Variants in TARS3 observed in about 807,000 individuals in gnomAD.
TARS3 encodes the protein threonyl-tRNA synthetase 3.
Under a neutral mutation model 103.5 loss-of-function variants are expected in TARS3, and 94 were observed. That is an observed-to-expected ratio of 0.91 (90% CI 0.77 to 1.08). The LOEUF is 1.08. Ranked by LOEUF, TARS3 falls within the 50% of genes least tolerant of loss-of-function variation. TARS3 has a pLI of 0.00. For synonymous variants in TARS3, 416 were observed against 355.4 expected (o/e 1.17, Z -1.92); for missense variants, 952 against 995.2 (o/e 0.96, Z 0.58).
chr15:101,706,106 A>G (rs1899545992), intron 6 of TARS3, among the ~76,000 whole-genome samples: 1 of 152,174 alleles, frequency 6.6e-6, no homozygotes, highest in Non-Finnish European at 1.5e-5. Flanking sequence ...AATTACAGGC[A>G]TGTACCACCA....
intron 6 of TARS3, 63 bp from the exon 7 acceptor site, chr15:101,705,810 A>AGAGTT: frequency 3.0e-6 from 4 of 1,332,456 alleles, no homozygotes; most frequent in Non-Finnish European, 4.2e-6. Flanking sequence ...AAACAACTCT[A>AGAGTT]CTTTTCTTCA....
At chr15:101,663,619 G>T (rs1437107601) in intron 15 of TARS3, among the ~76,000 whole-genome samples, 1 of 152,106 alleles carries the variant, frequency 6.6e-6, no homozygotes, top group Admixed American at 6.5e-5. Context: ...TTTTTCCATT[G>T]CATTTCCTAG....
At chr15:101,691,225 C>T (rs112956983) in intron 10 of TARS3, among the ~76,000 whole-genome samples, 4 of 151,910 alleles carry the variant, frequency 2.6e-5, no homozygotes, top group African/African-American at 7.2e-5. Context: ...AGGCATGAGC[C>T]ACTGCGCCCG....
chr15:101,669,226 A>C (rs748569086), intron 15 of TARS3, among the ~76,000 whole-genome samples: 5 of 152,250 alleles, frequency 3.3e-5, no homozygotes, highest in Non-Finnish European at 7.3e-5. Flanking sequence ...AAAAACTTAA[A>C]AAGTAAAAAT....
chr15:101,685,899 T>A lies in TARS3; in HGVS notation c.1484A>T (p.His495Leu). The A allele has an allele frequency of 1.9e-6, 3 of 1,612,836 alleles. No homozygotes were observed. In the South Asian group the frequency reaches 3.3e-5, roughly 18 times the overall value. ...CTGCTTCGCTTTTAATACTCACCAG[T>A]GCCCTGGACAATTCATGGGTTTGAG... ...FALKPMNCPG[H>L]CLMFAHRPRS... Residue 495 changes from histidine to leucine, a missense_variant, in exon 11 of 19, where the codon CAC (histidine) becomes CTC (leucine). This residue lies in a region of TARS3 where 540 missense variants were observed against 631.0 expected (regional missense o/e 0.86). Coordinates refer to ENST00000335968, the MANE Select transcript of TARS3 (RefSeq NM_152334.3).
At chr15:101,697,434 A>G (rs1261612422) in intron 10 of TARS3, among the ~76,000 whole-genome samples, 1 of 152,220 alleles carries the variant, frequency 6.6e-6, no homozygotes, top group East Asian at 1.9e-4. Flanking sequence ...GGAGACGTCC[A>G]GGCAGAATGT....
At chr15:101,715,186 G>C (rs1398153590) in intron 3 of TARS3, among the ~76,000 whole-genome samples, 45 of 142,468 alleles carry the variant, frequency 3.2e-4, no homozygotes, top group Admixed American at 1.5e-3. Flanking sequence ...TCGCTCTGTC[G>C]CCCAGGCTGG....
chr15:101,658,472 G>A, intron 16 of TARS3, among the ~76,000 whole-genome samples: 1 of 152,036 alleles, frequency 6.6e-6, no homozygotes, highest in East Asian at 1.9e-4. Flanking sequence ...ATGACAAAAT[G>A]ATGGAGCTAG....
intron 5 of TARS3, 76 bp from the exon 6 acceptor site, chr15:101,708,986 C>T (rs1367681792): frequency 5.2e-6 from 5 of 953,044 alleles, no homozygotes; most frequent in African/African-American, 5.1e-5. Flanking sequence ...CCTGGAGCCT[C>T]AGCAGCCATA....
At chr15:101,710,378 G>A (rs1899800899) in intron 5 of TARS3, among the ~76,000 whole-genome samples, 1 of 152,220 alleles carries the variant, frequency 6.6e-6, no homozygotes, top group African/African-American at 2.4e-5. Context: ...ACCCAAGGAT[G>A]GGGTCATGGG....
At chr15:101,707,177 A>C (rs1899610564) in intron 6 of TARS3, among the ~76,000 whole-genome samples, 1 of 152,352 alleles carries the variant, frequency 6.6e-6, no homozygotes, top group South Asian at 2.1e-4. Context: ...GATTAAAAAA[A>C]AAACAAAACA....
intron 10 of TARS3, among the ~76,000 whole-genome samples, chr15:101,690,637 G>A (rs996939897): frequency 2.6e-5 from 4 of 152,196 alleles, no homozygotes; most frequent in African/African-American, 9.7e-5. Context: ...ATGCATAGAT[G>A]TATTTTTGTA....
Position 101,714,605 on chromosome 15 carries a change from CAAAAAAAAAA to C in TARS3, c.690+225_690+234del, listed in dbSNP as rs35014693. On this transcript the variant is annotated intron_variant, in intron 4 of 18. Transcript: ENST00000335968. ...TGGGTGACAGAGTAAGACTCCATCT[CAAAAAAAAAA>C]AAAAAAAAAAAAAAAAGAAATTATA... 223 of 77,696 alleles carry C rather than the reference CAAAAAAAAAA, an allele frequency of 2.9e-3. 1 individual carries two copies. The highest frequency in any genetic ancestry group is 3.6e-3 in the South Asian group (8 of 2,214). 4.8% of individuals were successfully genotyped at this position (77,696 alleles called of 1,614,324 possible). A position where few individuals can be genotyped will look rare whatever the true frequency, so the allele number is the denominator to read the frequency against.
intron 10 of TARS3, among the ~76,000 whole-genome samples, chr15:101,690,799 C>T (rs1248958300): frequency 6.6e-6 from 1 of 152,040 alleles, no homozygotes; most frequent in Non-Finnish European, 1.5e-5. Context: ...TTTTAGATTC[C>T]TTTCTAAGAA....
At chr15:101,677,965 TTC>T (rs1898100535) in intron 12 of TARS3, among the ~76,000 whole-genome samples, 1 of 150,366 alleles carries the variant, frequency 6.7e-6, no homozygotes, top group Admixed American at 6.6e-5. Flanking sequence ...ATCATGGGAC[TTC>T]TTTTTTTTTG....
At position 101,724,283 on chromosome 15, in the gene TARS3, C is replaced by G. The variant is rs1596336875; in HGVS notation, c.105G>C (p.Glu35Asp). The change falls in exon 1 of 19, where the codon GAG (glutamate) becomes GAC (aspartate). Residue 35 changes from glutamate to aspartate, a missense_variant. Coordinates refer to ENST00000335968, the MANE Select transcript of TARS3 (RefSeq NM_152334.3). ...LWSEVERLRDEQLNAPYSCQA... is the reference protein window; with the variant it reads ...LWSEVERLRDDQLNAPYSCQA... ...GGCAGCTGTAGGGCGCGTTCAGCTG[C>G]TCGTCCCTCAGGCGCTCGACCTCCG... 2 of 1,574,470 alleles carry G rather than the reference C, an allele frequency of 1.3e-6. No homozygotes were observed. The highest frequency in any genetic ancestry group is 2.4e-5 in the East Asian group (1 of 42,172).
At position 101,724,317 on chromosome 15, in the gene TARS3, C is replaced by G. The variant is rs1439008692; in HGVS notation, c.71G>C (p.Trp24Ser). 1 of 1,568,736 alleles carries G rather than the reference C, an allele frequency of 6.4e-7. No homozygotes were observed. The highest frequency in any genetic ancestry group is 1.8e-5 in the Admixed American group (1 of 56,012). Residue 24 changes from tryptophan (W) to serine (S), a missense_variant, in exon 1 of 19, where the codon TGG becomes TCG. Physicochemically the swap from Trp to Ser is radical, Grantham distance 177. Transcript: ENST00000335968. ...CAGGCGCTCGACCTCCGACCACAGC[C>G]AGCGGATGTCCTCCTCCTGCCGCTC... is the stretch of plus-strand genomic sequence containing the variant. ...RLERQEEDIR[W>S]LWSEVERLRD...
intron 3 of TARS3, among the ~76,000 whole-genome samples, chr15:101,719,827 C>T (rs1900356727): frequency 6.6e-6 from 1 of 152,170 alleles, no homozygotes; most frequent in African/African-American, 2.4e-5. Flanking sequence ...CAGAGATGTC[C>T]ACTAGGCTTG....
rs756472956 is a variant in TARS3 at position 101,656,998 on chromosome 15, G to T, written c.2184C>A (p.Asp728Glu). 9 of 1,613,600 alleles carry T rather than the reference G, an allele frequency of 5.6e-6. No individual in the cohort carries two copies. The highest frequency in any genetic ancestry group is 7.6e-6 in the Non-Finnish European group (9 of 1,179,768). ...SEFFEEGFMA[D>E]VDLDHSCTLN... ...GTGTACAACTGTGATCCAAGTCAAC[G>T]TCAGCCATAAATCCTTCTTCAAAAA... Residue 728 changes from aspartate to glutamate, a missense_variant, in exon 18 of 19, where the codon GAC (aspartate) becomes GAA (glutamate). Physicochemically the swap from Asp to Glu is conservative, Grantham distance 45. Transcript: ENST00000335968.
Sources: allele counts gnomAD v4.1 joint callset (sites outside exome capture counted in the v4.1 genomes callset), GRCh38; gene constraint gnomAD v4.1.1; regional missense constraint gnomAD v4.1.1; transcripts MANE v1.5; gene names NCBI Gene and HGNC (gene_info 2026-07-23, HGNC 2026-07-21).